The following DMD variants were observed in gnomAD, a reference collection of about 807,000 sequenced individuals.
DMD encodes mutant dystrophin.
A neutral mutation model predicts 330.1 loss-of-function variants in DMD; 63 were observed. That is an observed-to-expected ratio of 0.19 (90% CI 0.16 to 0.24). The LOEUF (loss-of-function observed/expected upper bound fraction) is 0.24, where lower values mean the gene tolerates loss of function less well. DMD is among the 10% of genes least tolerant of loss of function. DMD has a pLI of 1.00. For synonymous variants in DMD, 1,223 were observed against 959.8 expected (o/e 1.27, Z -5.07); for missense variants, 3,344 against 2,684.1 (o/e 1.25, Z -5.43).
chrX:32,618,115 C>A (rs1025907765), intron 11 of DMD, among the ~76,000 whole-genome samples: 1 of 111,838 alleles, frequency 8.9e-6, no homozygotes, highest in Non-Finnish European at 1.9e-5. Flanking sequence ...GGTGATTCCA[C>A]AAAGACCTCA....
At chrX:32,976,722 T>C (rs2147178994) in intron 2 of DMD, among the ~76,000 whole-genome samples, 1 of 111,955 alleles carries the variant, frequency 8.9e-6, no homozygotes, top group East Asian at 2.8e-4. Flanking sequence ...AGGTACTACA[T>C]TTATCTAGAG....
intron 1 of DMD, among the ~76,000 whole-genome samples, chrX:33,248,283 C>T (rs1221703510): frequency 9.0e-5 from 10 of 111,570 alleles, no homozygotes; most frequent in South Asian, 3.7e-4. Flanking sequence ...CCTCATGATC[C>T]GCCCACCTCA....
rs776877957 is a variant in DMD, at chrX:31,401,796, G to C, written c.9084+42685C>G. 3.6e-5 allele frequency among the ~76,000 whole-genome samples: 4 copies of C among 110,906 alleles called. No homozygotes were observed. The East Asian group carries it at 1.1e-3, about 31-fold the overall frequency. ...TACAACTTATTAAAACAAGTAAACTGTTTTTAGCTCCCCTGCTATTAAAAA... is the reference window on the plus strand; with the variant it reads ...TACAACTTATTAAAACAAGTAAACTCTTTTTAGCTCCCCTGCTATTAAAAA... On this transcript the variant is annotated intron_variant, in intron 60 of 78. Transcript: ENST00000357033.
intron 16 of DMD, among the ~76,000 whole-genome samples, chrX:32,550,227 G>A (rs767077366): frequency 4.5e-5 from 5 of 111,504 alleles, no homozygotes; most frequent in African/African-American, 1.6e-4. Context: ...GATATAGAGA[G>A]TTGGGCATAA....
At chrX:32,577,026 C>A (rs2053135768) in intron 13 of DMD, among the ~76,000 whole-genome samples, 1 of 111,405 alleles carries the variant, frequency 9.0e-6, no homozygotes, top group Admixed American at 9.6e-5. Flanking sequence ...CATGTTGAAG[C>A]CCTATGCCCC....
At chrX:32,985,442 G>A (rs2092818763) in intron 2 of DMD, among the ~76,000 whole-genome samples, 1 of 111,455 alleles carries the variant, frequency 9.0e-6, no homozygotes, top group African/African-American at 3.3e-5. Flanking sequence ...CTATAGTTAA[G>A]AGTTTGGGAT....
rs1349072139 is a variant in DMD at position 32,455,382 on chromosome X, A to G, written c.3433-550T>C. On this transcript the variant is annotated intron_variant, in intron 25 of 78. Transcript: ENST00000357033. ...ATGTTCTAATACCATTTATAGTTAA[A>G]TGATTGCAAATCGAAGTGAATTAAT... Among the ~76,000 whole-genome samples, 3 of 111,542 alleles carry G rather than the reference A, an allele frequency of 2.7e-5. No individual in the cohort carries two copies. The East Asian group carries it at 8.4e-4, about 31-fold the overall frequency.
intron 7 of DMD, among the ~76,000 whole-genome samples, chrX:32,716,377 G>A (rs967121042): frequency 9.0e-6 from 1 of 110,681 alleles, no homozygotes; most frequent in African/African-American, 3.3e-5. Flanking sequence ...CTCTGGCCAT[G>A]TAAGGTATAA....
intron 2 of DMD, among the ~76,000 whole-genome samples, chrX:32,957,295 T>G (rs2091649852): frequency 8.9e-6 from 1 of 111,939 alleles, no homozygotes; most frequent in Non-Finnish European, 1.9e-5. Flanking sequence ...AAATTATATT[T>G]TCCCTATTCA....
chrX:32,459,594 C>T (rs1417322008), intron 25 of DMD, among the ~76,000 whole-genome samples: 1 of 111,295 alleles, frequency 9.0e-6, no homozygotes, highest in Non-Finnish European at 1.9e-5. Flanking sequence ...CCGCTAGTCA[C>T]TCTAGTAAGC....
chrX:33,264,119 T>C (rs1365747649), intron 1 of DMD, among the ~76,000 whole-genome samples: 1 of 111,026 alleles, frequency 9.0e-6, no homozygotes, highest in Non-Finnish European at 1.9e-5. Flanking sequence ...GGCCTGTATA[T>C]ACATATTGGA....
At chrX:32,346,176 A>C (rs2097763326) in intron 38 of DMD, 96 bp from the exon 39 acceptor site, 2 of 970,516 alleles carry the variant, frequency 2.1e-6, no homozygotes, top group East Asian at 6.3e-5. Flanking sequence ...AACACACACA[A>C]AAATCCAATT....
At chrX:31,655,962 C>T (rs2080760725) in intron 54 of DMD, among the ~76,000 whole-genome samples, 1 of 112,159 alleles carries the variant, frequency 8.9e-6, no homozygotes, top group South Asian at 3.7e-4. Context: ...CTTTGGACCT[C>T]TTCAATGTGA....
At chrX:32,940,359 C>A (rs2090321849) in intron 2 of DMD, among the ~76,000 whole-genome samples, 1 of 111,642 alleles carries the variant, frequency 9.0e-6, no homozygotes, top group Non-Finnish European at 1.9e-5. Flanking sequence ...TGCGTATATG[C>A]ACATCAAAAC....
At chrX:31,799,528 G>T (rs2091969555) in intron 50 of DMD, among the ~76,000 whole-genome samples, 1 of 111,309 alleles carries the variant, frequency 9.0e-6, no homozygotes. Context: ...ATGACACCTG[G>T]GGATTTTGGA....
chrX:31,517,663 C>G (rs943989892), intron 55 of DMD, among the ~76,000 whole-genome samples: 1 of 110,224 alleles, frequency 9.1e-6, no homozygotes, highest in Admixed American at 9.7e-5. Context: ...GCAGTCCCAG[C>G]CATACAGGAA....
intron 19 of DMD, among the ~76,000 whole-genome samples, chrX:32,492,256 T>C (rs776119771): frequency 2.7e-5 from 3 of 111,932 alleles, no homozygotes; most frequent in Non-Finnish European, 5.6e-5. Context: ...GAGAATGGCG[T>C]GAACCCGGGA....
chrX:33,036,695 C>T (rs1047853798), intron 1 of DMD, among the ~76,000 whole-genome samples: 4 of 110,850 alleles, frequency 3.6e-5, no homozygotes, highest in Admixed American at 9.7e-5. Flanking sequence ...AGGTCTATAA[C>T]GTTGCATTGT....
intron 9 of DMD, among the ~76,000 whole-genome samples, chrX:32,656,148 AT>A (rs1247436189): frequency 8.9e-6 from 1 of 111,971 alleles, no homozygotes; most frequent in African/African-American, 3.2e-5. Context: ...TAGATGTGGC[AT>A]GTAACCAAGT....
Sources: allele counts gnomAD v4.1 joint callset (sites outside exome capture counted in the v4.1 genomes callset), GRCh38; gene constraint gnomAD v4.1.1; transcripts MANE v1.5; gene names NCBI Gene and HGNC (gene_info 2026-07-23, HGNC 2026-07-21).